SYCP2L: variants seen among roughly 807,000 people sequenced by gnomAD.
SYCP2L encodes synaptonemal complex protein 2 like, also known as synaptonemal complex protein 2-like.
Under a neutral mutation model 125.8 loss-of-function variants are expected in SYCP2L, and 98 were observed. The ratio of observed to expected loss-of-function variants is 0.78; its 90% CI spans 0.66 to 0.92. The LOEUF is 0.92. Among genes scored for constraint, SYCP2L ranks in the 40% least tolerant of loss-of-function variants. The probability of loss-of-function intolerance (pLI) is 0.00; values close to 1 mark genes in which losing one functional copy is unlikely to be tolerated. For synonymous variants in SYCP2L, 317 were observed against 325.4 expected (o/e 0.97, Z 0.28); for missense variants, 842 against 936.4 (o/e 0.90, Z 1.32).
At chr6:10,896,319 C>T (rs1471159597) in intron 4 of SYCP2L, among the ~76,000 whole-genome samples, 1 of 152,066 alleles carries the variant, frequency 6.6e-6, no homozygotes, top group Non-Finnish European at 1.5e-5. Context: ...CAATGTGTGA[C>T]CAGGGCACAT....
At chr6:10,907,892 G>GTTTGTTTTTTTTTT (rs1780526567) in intron 10 of SYCP2L, among the ~76,000 whole-genome samples, 1 of 91,922 alleles carries the variant, frequency 1.1e-5, no homozygotes, top group Non-Finnish European at 2.0e-5. Context: ...ATACAGATAG[G>GTTTGTTTTTTTTTT]TTTTTTTTTT....
intron 14 of SYCP2L, 144 bp from the exon 15 acceptor site, chr6:10,924,352 T>C (rs750354505): frequency 3.3e-6 from 2 of 612,514 alleles, no homozygotes; most frequent in Non-Finnish European, 5.1e-6. Context: ...TTCAAAGTAA[T>C]GTTATTTAAT....
In SYCP2L at chr6:10,912,553, A is replaced by C; in HGVS notation, c.919-120A>C. 2.9e-6 allele frequency: 2 copies of C among 691,314 alleles called. No individual in the cohort carries two copies. The highest frequency in any genetic ancestry group is 4.8e-6 in the Non-Finnish European group (2 of 415,686). The allele number at this position is 691,314 out of a possible 1,614,324, so 42.8% of individuals were successfully genotyped here. A position where few individuals can be genotyped will look rare whatever the true frequency, so the allele number is the denominator to read the frequency against. ...AAGAGTCAGTCAATAGAGGCCCTAT[A>C]ATGCTAGGATAATGCTGTTCCAGGA... On this transcript the variant is annotated intron_variant, in intron 12 of 29. Transcript: ENST00000283141. This position sits in a 1 kb window ranked among gnomAD's most constrained non-coding sequence, Gnocchi z 4.1.
chr6:10,903,806 CCTTTTTAATAATTATAATTTTTTTTT>C lies in SYCP2L; in HGVS notation c.641+850_641+875del, dbSNP rs562041240. Among the ~76,000 whole-genome samples the C allele has an allele frequency of 7.1e-3, 1,085 of 152,002 alleles. 8 individuals carry two copies. The highest frequency in any genetic ancestry group is 0.023 in the African/African-American group (941 of 41,504). ...ATAAAAAAGACATTCCTAGATTTTTCCTTTTTAATAATTATAATTTTTTTTTCTTTTTGCTTCAACGTTGTGAGGCA... is the reference window on the plus strand; with the variant it reads ...ATAAAAAAGACATTCCTAGATTTTTCCTTTTTGCTTCAACGTTGTGAGGCA... On this transcript the variant is annotated intron_variant, in intron 8 of 29. Coordinates refer to ENST00000283141, the MANE Select transcript of SYCP2L (RefSeq NM_001040274.3).
At chr6:10,969,238 T>TA (rs1239826456) in intron 29 of SYCP2L, among the ~76,000 whole-genome samples, 1 of 152,196 alleles carries the variant, frequency 6.6e-6, no homozygotes, top group African/African-American at 2.4e-5. Flanking sequence ...GCAAAACATG[T>TA]ATTTAGTTTA....
At chr6:10,894,734 G>T (rs1436303985) in intron 4 of SYCP2L, among the ~76,000 whole-genome samples, 1 of 152,134 alleles carries the variant, frequency 6.6e-6, no homozygotes, top group African/African-American at 2.4e-5. Flanking sequence ...ATAACATGGC[G>T]AGTGCCTTTA....
At chr6:10,942,221 A>C (rs2113379107) in intron 21 of SYCP2L, among the ~76,000 whole-genome samples, 2 of 152,190 alleles carry the variant, frequency 1.3e-5, no homozygotes, top group East Asian at 3.9e-4. Flanking sequence ...TGGGTGCAGC[A>C]CACCAACATG....
At chr6:10,919,187 T>C (rs58953960) in intron 14 of SYCP2L, among the ~76,000 whole-genome samples, 4,810 of 152,232 alleles carry the variant, frequency 0.032, 244 homozygotes, top group African/African-American at 0.11. Flanking sequence ...TTCTGGTTCT[T>C]TCTCATTTGG....
At chr6:10,931,990 CTTT>C (rs70991076) in intron 20 of SYCP2L, among the ~76,000 whole-genome samples, 3 of 116,446 alleles carry the variant, frequency 2.6e-5, no homozygotes, top group Non-Finnish European at 5.0e-5. Flanking sequence ...GATTGAGGGT[CTTT>C]TTTTTTTTTT....
chr6:10,963,739 T>C (rs1464448122), intron 28 of SYCP2L, 43 bp from the exon 29 acceptor site: 1 of 1,600,208 alleles, frequency 6.2e-7, no homozygotes, highest in Non-Finnish European at 8.6e-7. Flanking sequence ...GTTTTTAAAT[T>C]GTCTAATGTG....
intron 4 of SYCP2L, among the ~76,000 whole-genome samples, chr6:10,896,998 T>C: frequency 6.6e-6 from 1 of 152,228 alleles, no homozygotes; most frequent in Non-Finnish European, 1.5e-5. Flanking sequence ...ACTGATGTCA[T>C]GTTCAGCTGA....
chr6:10,924,741 C>A (rs564819755), intron 15 of SYCP2L, 100 bp downstream of exon 15: 26 of 1,147,688 alleles, frequency 2.3e-5, no homozygotes, highest in African/African-American at 3.2e-5. Context: ...TTTGATAAAG[C>A]AGAAAACCTG....
At chr6:10,931,565 A>G (rs1466707862) in intron 20 of SYCP2L, 76 bp downstream of exon 20, 8 of 1,382,088 alleles carry the variant, frequency 5.8e-6, no homozygotes, top group African/African-American at 1.4e-5. Flanking sequence ...CAACTTTCAG[A>G]AATATAAAAA....
At chr6:10,921,321 A>C (rs572847797) in intron 14 of SYCP2L, among the ~76,000 whole-genome samples, 170 of 152,274 alleles carry the variant, frequency 1.1e-3, no homozygotes, top group Non-Finnish European at 2.0e-3. Flanking sequence ...TGCTATTGTG[A>C]ATAGTGCTGC....
intron 29 of SYCP2L, among the ~76,000 whole-genome samples, chr6:10,973,603 C>T (rs1469451497): frequency 6.6e-6 from 1 of 152,118 alleles, no homozygotes; most frequent in Non-Finnish European, 1.5e-5. Flanking sequence ...CTAGTGTGGC[C>T]CCTAAAGCCA....
intron 14 of SYCP2L, among the ~76,000 whole-genome samples, chr6:10,913,459 G>GCATT: frequency 6.6e-6 from 1 of 152,200 alleles, no homozygotes; most frequent in East Asian, 1.9e-4. Context: ...ATTTTGATTT[G>GCATT]CATTCCCCTG....
chr6:10,973,553 G>A (rs1781811750), intron 29 of SYCP2L, among the ~76,000 whole-genome samples: 1 of 151,982 alleles, frequency 6.6e-6, no homozygotes, highest in Non-Finnish European at 1.5e-5. Context: ...ATAATAATAG[G>A]TCTGATTGCC....
intron 29 of SYCP2L, among the ~76,000 whole-genome samples, chr6:10,970,077 G>A (rs1304156564): frequency 1.4e-4 from 22 of 152,156 alleles, no homozygotes; most frequent in Non-Finnish European, 8.8e-5. Context: ...GAGGATTCAT[G>A]CCAGTGCTAA....
chr6:10,959,038 GAA>G (rs1352880139), intron 26 of SYCP2L, among the ~76,000 whole-genome samples, 163 bp downstream of exon 26: 1 of 152,212 alleles, frequency 6.6e-6, no homozygotes, highest in Non-Finnish European at 1.5e-5. Flanking sequence ...TCATTCATAT[GAA>G]AAGGGTTTGA....
Sources: allele counts gnomAD v4.1 joint callset (sites outside exome capture counted in the v4.1 genomes callset), GRCh38; gene constraint gnomAD v4.1.1; non-coding constraint Gnocchi (gnomAD v3.1); transcripts MANE v1.5; gene names NCBI Gene and HGNC (gene_info 2026-07-23, HGNC 2026-07-21).